The following MAML2 variants were observed in gnomAD, a reference collection of about 807,000 sequenced individuals.
MAML2 encodes the protein mastermind-like protein 2.
In MAML2, 22 loss-of-function variants were observed where a neutral mutation model predicts 96.1. The ratio of observed to expected loss-of-function variants is 0.23; its 90% CI spans 0.16 to 0.33. MAML2 has a LOEUF of 0.33. Ranked by LOEUF, MAML2 falls within the 10% of genes least tolerant of loss-of-function variation. The pLI, the probability that MAML2 is intolerant of heterozygous loss-of-function variation, is 1.00. For missense variants in MAML2, 1,367 were observed against 1,392.4 expected (o/e 0.98, Z 0.29); for synonymous variants, 561 against 521.3 (o/e 1.08, Z -1.04).
chr11:96,096,001 C>T (rs1859820208), intron 1 of MAML2, among the ~76,000 whole-genome samples: 1 of 152,220 alleles, frequency 6.6e-6, no homozygotes, highest in Admixed American at 6.5e-5. Flanking sequence ...AGAGTTACCA[C>T]TGTCTATCCT....
At chr11:96,091,200 A>G (rs1216702058) in intron 2 of MAML2, among the ~76,000 whole-genome samples, 2 of 152,146 alleles carry the variant, frequency 1.3e-5, no homozygotes, top group Non-Finnish European at 2.9e-5. Context: ...ATCTTTTAAC[A>G]TTTAACTCAG....
intron 1 of MAML2, among the ~76,000 whole-genome samples, chr11:96,276,968 G>T (rs908625738): frequency 6.6e-6 from 1 of 152,094 alleles, no homozygotes; most frequent in African/African-American, 2.4e-5. Context: ...TAGCTCATAC[G>T]TGCAAGGTAC....
At chr11:96,101,367 T>C (rs10501841) in intron 1 of MAML2, among the ~76,000 whole-genome samples, 34,377 of 152,128 alleles carry the variant, frequency 0.23, 4,122 homozygotes, top group Middle Eastern at 0.34. Flanking sequence ...TGGAGAATGT[T>C]CCAAGTTTAT....
chr11:96,129,581 G>A (rs1190279076), intron 1 of MAML2, among the ~76,000 whole-genome samples: 1 of 152,092 alleles, frequency 6.6e-6, no homozygotes, highest in African/African-American at 2.4e-5. Context: ...GTGGGTAGTG[G>A]GACACAACTA....
intron 1 of MAML2, among the ~76,000 whole-genome samples, chr11:96,098,891 A>G (rs957512073): frequency 1.3e-5 from 2 of 152,256 alleles, no homozygotes; most frequent in African/African-American, 2.4e-5. Context: ...GACTTGAAAC[A>G]TAAACTTTCT....
intron 2 of MAML2, among the ~76,000 whole-genome samples, chr11:96,050,905 C>A (rs1184819344): frequency 6.6e-6 from 1 of 152,160 alleles, no homozygotes; most frequent in Non-Finnish European, 1.5e-5. Flanking sequence ...AGAAGAATAC[C>A]TGATGCTGGC....
chr11:96,021,271 C>T (rs991557525), intron 2 of MAML2, among the ~76,000 whole-genome samples: 5 of 152,200 alleles, frequency 3.3e-5, no homozygotes, highest in Non-Finnish European at 5.9e-5. Flanking sequence ...ATTGTATCTA[C>T]AACCACCAGC....
chr11:96,145,001 T>C (rs975879368), intron 1 of MAML2, among the ~76,000 whole-genome samples: 3 of 152,326 alleles, frequency 2.0e-5, no homozygotes, highest in East Asian at 3.9e-4. Context: ...TTGTGATCCA[T>C]TAATAATATT....
At chr11:96,327,920 A>G (rs1863806925) in intron 1 of MAML2, among the ~76,000 whole-genome samples, 1 of 151,198 alleles carries the variant, frequency 6.6e-6, no homozygotes, top group South Asian at 2.1e-4. Flanking sequence ...ACGAGGTGAA[A>G]CCCCATCTCT....
chr11:96,090,789 G>A (rs1859691258), intron 2 of MAML2, among the ~76,000 whole-genome samples: 1 of 152,212 alleles, frequency 6.6e-6, no homozygotes, highest in African/African-American at 2.4e-5. Flanking sequence ...CTAGGGCAAA[G>A]GTTAGCTTGG....
chr11:96,019,726 A>G (rs2135735617), intron 2 of MAML2, among the ~76,000 whole-genome samples: 1 of 150,106 alleles, frequency 6.7e-6, no homozygotes. Flanking sequence ...ATAATAATAC[A>G]CATGTAGAAC....
chr11:96,237,475 T>A (rs1164938358), intron 1 of MAML2, among the ~76,000 whole-genome samples: 1 of 152,232 alleles, frequency 6.6e-6, no homozygotes, highest in Non-Finnish European at 1.5e-5. Context: ...TCTTTATAAT[T>A]GTTTCACAGG....
At chr11:96,119,239 T>C (rs1860295119) in intron 1 of MAML2, among the ~76,000 whole-genome samples, 2 of 152,232 alleles carry the variant, frequency 1.3e-5, no homozygotes, top group Non-Finnish European at 2.9e-5. Flanking sequence ...TTCTAAAATT[T>C]AGTTAAGGAT....
chr11:96,085,506 A>G (rs1859595212), intron 2 of MAML2, among the ~76,000 whole-genome samples: 1 of 152,220 alleles, frequency 6.6e-6, no homozygotes, highest in Admixed American at 6.5e-5. Context: ...AATTAGAATG[A>G]GTGCAAAGGG....
At chr11:96,127,249 C>G (rs1860456266) in intron 1 of MAML2, among the ~76,000 whole-genome samples, 1 of 152,192 alleles carries the variant, frequency 6.6e-6, no homozygotes, top group South Asian at 2.1e-4. Flanking sequence ...GCTCTCCCTG[C>G]ATAGTGCCAT....
At chr11:96,079,149 T>C (rs1859494654) in intron 2 of MAML2, among the ~76,000 whole-genome samples, 1 of 152,190 alleles carries the variant, frequency 6.6e-6, no homozygotes, top group South Asian at 2.1e-4. Flanking sequence ...GCCTAATACC[T>C]AATAAATAGG....
intron 1 of MAML2, among the ~76,000 whole-genome samples, chr11:96,338,499 A>G (rs930895080): frequency 2.0e-5 from 3 of 152,238 alleles, no homozygotes; most frequent in Admixed American, 1.3e-4. Context: ...TTCAGACATT[A>G]TATATTCCTT....
At chr11:96,111,433 G>A (rs1033053191) in intron 1 of MAML2, among the ~76,000 whole-genome samples, 2 of 152,184 alleles carry the variant, frequency 1.3e-5, no homozygotes, top group Non-Finnish European at 2.9e-5. Flanking sequence ...ATGTGTGTCT[G>A]TGTGAGTGTT....
At chr11:96,167,592 T>C (rs1320974500) in intron 1 of MAML2, among the ~76,000 whole-genome samples, 2 of 152,178 alleles carry the variant, frequency 1.3e-5, no homozygotes, top group Admixed American at 1.3e-4. Context: ...CCTGTCACAT[T>C]TAATGTCTTT....
Sources: allele counts gnomAD v4.1 joint callset (sites outside exome capture counted in the v4.1 genomes callset), GRCh38; gene constraint gnomAD v4.1.1; transcripts MANE v1.5; gene names NCBI Gene and HGNC (gene_info 2026-07-23, HGNC 2026-07-21).